The following BEND6 variants were observed in gnomAD, a reference collection of about 807,000 sequenced individuals.
BEND6 encodes the protein BEN domain-containing protein 6.
A neutral mutation model predicts 31.8 loss-of-function variants in BEND6; 24 were observed. That is an observed-to-expected ratio of 0.75 (90% CI 0.55 to 1.06). The LOEUF (loss-of-function observed/expected upper bound fraction) is 1.06, where lower values mean the gene tolerates loss of function less well. BEND6 is among the 50% of genes least tolerant of loss of function. The pLI, the probability that BEND6 is intolerant of heterozygous loss-of-function variation, is 0.00. For synonymous variants in BEND6, 109 were observed against 114.6 expected, an observed-to-expected ratio of 0.95 and a Z score of 0.31; for missense variants, 294 against 327.4, an observed-to-expected ratio of 0.90 and a Z score of 0.79.
At chr6:57,014,532 T>C in intron 3 of BEND6, 1 of 1,507,228 alleles carries the variant, frequency 6.6e-7, no homozygotes, top group Non-Finnish European at 8.9e-7. Flanking sequence ...ATGTGTAAGT[T>C]TCCATTTGAA....
chr6:57,027,094 TG>T lies in BEND6; in HGVS notation c.*1024del, dbSNP rs1827927137. 6.6e-6 allele frequency: 1 copy of T among 152,262 alleles called. No individual in the cohort carries two copies. The highest frequency in any genetic ancestry group is 1.5e-5 in the Non-Finnish European group (1 of 68,044). 9.4% of individuals were successfully genotyped at this position (152,262 alleles called of 1,614,324 possible). A position where few individuals can be genotyped will look rare whatever the true frequency, so the allele number is the denominator to read the frequency against. On this transcript the variant is annotated 3_prime_UTR_variant, in exon 7 of 7. Transcript: ENST00000370746. ...ATTCTTCATCAAAAGGCTTCTCGCT[TG>T]GTGTCAGGTTGTCACATGTGACCAC...
At chr6:57,015,050 C>A in intron 3 of BEND6, 83 bp from the exon 4 acceptor site, 1 of 1,116,962 alleles carries the variant, frequency 9.0e-7, no homozygotes, top group Non-Finnish European at 1.3e-6. Flanking sequence ...TATTTCTATG[C>A]ACATACACTC....
intron 3 of BEND6, among the ~76,000 whole-genome samples, chr6:57,012,291 G>T (rs1452511359): frequency 6.6e-6 from 1 of 152,180 alleles, no homozygotes; most frequent in East Asian, 1.9e-4. Flanking sequence ...AAAATATTAT[G>T]CAGAGAAAAA....
At chr6:57,001,166 T>C (rs1443064789) in intron 3 of BEND6, among the ~76,000 whole-genome samples, 1 of 150,414 alleles carries the variant, frequency 6.6e-6, no homozygotes, top group East Asian at 1.9e-4. Flanking sequence ...TTTTTTTTTT[T>C]TTTTTTGGAG....
At chr6:57,005,763 T>C (rs1303918070) in intron 3 of BEND6, among the ~76,000 whole-genome samples, 2 of 151,054 alleles carry the variant, frequency 1.3e-5, no homozygotes, top group African/African-American at 2.5e-5. Flanking sequence ...TTGAATGTAA[T>C]CCCAATTAAA....
chr6:56,993,619 G>A (rs1035821711), intron 3 of BEND6, among the ~76,000 whole-genome samples: 1 of 152,190 alleles, frequency 6.6e-6, no homozygotes, highest in African/African-American at 2.4e-5. Context: ...ATACTTTTAA[G>A]TAGAAATAGC....
At chr6:56,975,853 C>T (rs1421944969) in intron 1 of BEND6, 11 of 528,860 alleles carry the variant, frequency 2.1e-5, no homozygotes, top group Non-Finnish European at 3.8e-5. Context: ...ACCTCTAATG[C>T]CTATGTTCAT....
chr6:56,975,702 A>G, intron 1 of BEND6: 3 of 455,172 alleles, frequency 6.6e-6, no homozygotes, highest in South Asian at 5.9e-5. Flanking sequence ...AGAAGAAGAA[A>G]TCTATTGAGT....
At chr6:56,986,453 TAATA>T (rs1826278313) in intron 2 of BEND6, among the ~76,000 whole-genome samples, 1 of 151,788 alleles carries the variant, frequency 6.6e-6, no homozygotes, top group Non-Finnish European at 1.5e-5. Context: ...ATAATAATAA[TAATA>T]AATAAATAAA....
chr6:57,018,223 CCTT>C (rs2127893045), intron 5 of BEND6, among the ~76,000 whole-genome samples, 195 bp from the exon 6 acceptor site: 1 of 152,234 alleles, frequency 6.6e-6, no homozygotes, highest in South Asian at 2.1e-4. Flanking sequence ...ATAATATAGA[CCTT>C]CTGATATCTC....
In BEND6 at chr6:56,991,248, C is replaced by A. The variant is rs958496018; in HGVS notation, c.121-1130C>A. ...CTTCTTTCATAAAGCTCTTGCAAAT[C>A]TTTTGTTGTGTGTCAATGACATCTG... On this transcript the variant is annotated intron_variant, in intron 2 of 6. Coordinates refer to ENST00000370746, the MANE Select transcript of BEND6 (RefSeq NM_152731.3). Among the ~76,000 whole-genome samples the A allele has an allele frequency of 2.6e-5, 4 of 152,060 alleles. No individual in the cohort carries two copies. In the East Asian group the frequency reaches 5.8e-4, roughly 22 times the overall value.
intron 2 of BEND6, among the ~76,000 whole-genome samples, chr6:56,984,180 C>T (rs1826170633): frequency 6.6e-6 from 1 of 151,372 alleles, no homozygotes; most frequent in Admixed American, 6.6e-5. Flanking sequence ...GTGTTCCCAT[C>T]ACTGCACTTC....
intron 2 of BEND6, among the ~76,000 whole-genome samples, chr6:56,983,310 G>T (rs887089908): frequency 6.6e-6 from 1 of 151,780 alleles, no homozygotes; most frequent in Admixed American, 6.6e-5. Context: ...TGTTGCAAGA[G>T]CAGATAAAAT....
intron 3 of BEND6, among the ~76,000 whole-genome samples, chr6:57,013,530 G>A (rs2127888771): frequency 6.6e-6 from 1 of 152,294 alleles, no homozygotes; most frequent in Non-Finnish European, 1.5e-5. Context: ...TAAATCATAT[G>A]GTTGGTCTTT....
intron 2 of BEND6, among the ~76,000 whole-genome samples, chr6:56,991,747 A>G (rs369737098): frequency 3.9e-5 from 6 of 152,194 alleles, no homozygotes; most frequent in African/African-American, 1.4e-4. Flanking sequence ...TAGCTTGATT[A>G]TCACACAATG....
intron 6 of BEND6, 139 bp from the exon 7 acceptor site, chr6:57,025,943 T>G (rs149264453): frequency 1.1e-4 from 16 of 152,310 alleles, no homozygotes; most frequent in African/African-American, 2.9e-4. Context: ...ACTGCTATTT[T>G]GGAACCAGAG....
chr6:57,024,486 T>G lies in BEND6; in HGVS notation c.*10-1596T>G, dbSNP rs538613408. On this transcript the variant is annotated intron_variant, in intron 6 of 6. Transcript: ENST00000370746. ...ATAACTCTGCTGGATACAGTATTTT[T>G]GGATGACAGTTTTTTTTTTTCCTTT... Among the ~76,000 whole-genome samples the G allele has an allele frequency of 2.2e-3, 338 of 152,060 alleles. 1 individual carries two copies. Among genetic ancestry groups the G allele is most frequent in the Non-Finnish European group, 3.1e-3 (211 of 68,004 alleles).
Position 56,981,941 on chromosome 6 carries a change from T to C in BEND6, c.120+11T>C. 1 of 1,600,840 alleles carries C rather than the reference T, an allele frequency of 6.2e-7. No individual in the cohort carries two copies. The highest frequency in any genetic ancestry group is 8.5e-7 in the Non-Finnish European group (1 of 1,175,782). On this transcript the variant is annotated intron_variant, in intron 2 of 6. Coordinates refer to ENST00000370746, the MANE Select transcript of BEND6 (RefSeq NM_152731.3). Reference sequence around the variant, plus strand: ...ATGGATAAAGGACAGGTTGGTTTTTTGTTACCTTGACTCAACTTTGTTATC... The same window carrying C: ...ATGGATAAAGGACAGGTTGGTTTTTCGTTACCTTGACTCAACTTTGTTATC...
At chr6:56,977,938 CA>C (rs964602322) in intron 1 of BEND6, among the ~76,000 whole-genome samples, 22 of 150,722 alleles carry the variant, frequency 1.5e-4, no homozygotes, top group African/African-American at 4.4e-4. Context: ...GCCTGAGTGA[CA>C]GAGCAAGACC....
Sources: allele counts gnomAD v4.1 joint callset (sites outside exome capture counted in the v4.1 genomes callset), GRCh38; gene constraint gnomAD v4.1.1; transcripts MANE v1.5; gene names NCBI Gene and HGNC (gene_info 2026-07-23, HGNC 2026-07-21).